Variants in HS2ST1 observed in about 807,000 individuals in gnomAD.
HS2ST1 encodes the protein heparan sulfate 2-O-sulfotransferase 1.
HS2ST1 carries 18 observed loss-of-function variants against 42.9 expected under a neutral mutation model. That is an observed-to-expected ratio of 0.42 (90% CI 0.29 to 0.62). The LOEUF is 0.62. Ranked by LOEUF, HS2ST1 falls within the 20% of genes least tolerant of loss-of-function variation. The probability of loss-of-function intolerance (pLI) is 0.21; values close to 1 mark genes in which losing one functional copy is unlikely to be tolerated. For missense variants in HS2ST1, 334 were observed against 433.8 expected, an observed-to-expected ratio of 0.77 and a Z score of 2.04; for synonymous variants, 146 against 152.9, an observed-to-expected ratio of 0.95 and a Z score of 0.33.
At chr1:86,981,594 G>A (rs1329291344) in intron 1 of HS2ST1, among the ~76,000 whole-genome samples, 4 of 152,176 alleles carry the variant, frequency 2.6e-5, no homozygotes, top group South Asian at 4.1e-4. Flanking sequence ...TCAGAAACCC[G>A]GCCAGGCAGT....
rs1486242673 is a variant in HS2ST1 at position 86,937,914 on chromosome 1, G to A, written c.124+22754G>A. On this transcript the variant is annotated intron_variant, in intron 1 of 6. Transcript: ENST00000370550. ...TAAAATTTGTAAAAATCACACTTGCGCTTACAGATCTTAACTATATAATAA... is the reference window on the plus strand; with the variant it reads ...TAAAATTTGTAAAAATCACACTTGCACTTACAGATCTTAACTATATAATAA... Among the ~76,000 whole-genome samples the A allele has an allele frequency of 4.0e-5, 6 of 151,782 alleles. 1 individual carries two copies. The South Asian group carries it at 6.2e-4, about 16-fold the overall frequency.
intron 1 of HS2ST1, among the ~76,000 whole-genome samples, chr1:86,949,635 G>A (rs1250137790): frequency 6.6e-6 from 1 of 152,314 alleles, no homozygotes; most frequent in South Asian, 2.1e-4. Context: ...GCTGTATGTG[G>A]TTGTTTAAAG....
At chr1:87,025,350 T>G (rs1650057320) in intron 1 of HS2ST1, among the ~76,000 whole-genome samples, 1 of 152,170 alleles carries the variant, frequency 6.6e-6, no homozygotes. Context: ...TACAGCAATA[T>G]CAAGTAAACA....
intron 1 of HS2ST1, among the ~76,000 whole-genome samples, chr1:87,044,051 A>G (rs1650583529): frequency 6.6e-6 from 1 of 152,098 alleles, no homozygotes; most frequent in South Asian, 2.1e-4. Context: ...AGGCCAAGAC[A>G]CTGGGGAGGA....
intron 1 of HS2ST1, among the ~76,000 whole-genome samples, chr1:86,925,811 T>C (rs1660405489): frequency 6.6e-6 from 1 of 152,200 alleles, no homozygotes; most frequent in Admixed American, 6.5e-5. Context: ...AATAACTCTT[T>C]CTGGTGCTGT....
At chr1:87,032,881 T>C (rs1229056067) in intron 1 of HS2ST1, among the ~76,000 whole-genome samples, 7 of 152,210 alleles carry the variant, frequency 4.6e-5, no homozygotes, top group Non-Finnish European at 1.0e-4. Flanking sequence ...ATTTTCTGGG[T>C]AAACAGCTGA....
At chr1:87,103,188 A>G (rs977683360) in intron 5 of HS2ST1, among the ~76,000 whole-genome samples, 1 of 152,226 alleles carries the variant, frequency 6.6e-6, no homozygotes, top group Non-Finnish European at 1.5e-5. Flanking sequence ...CCTTAAACTA[A>G]ATTGCTCATG....
chr1:87,061,409 C>T (rs904598299), intron 1 of HS2ST1, among the ~76,000 whole-genome samples: 1 of 152,022 alleles, frequency 6.6e-6, no homozygotes, highest in East Asian at 1.9e-4. Context: ...TTTCTCCCTC[C>T]CCCCATTCCC....
chr1:86,979,283 C>T (rs1200205681), intron 1 of HS2ST1, among the ~76,000 whole-genome samples: 1 of 152,112 alleles, frequency 6.6e-6, no homozygotes, highest in East Asian at 1.9e-4. Context: ...AGTTGTGCAA[C>T]CATTATCACT....
At chr1:86,951,670 A>G (rs1647523981) in intron 1 of HS2ST1, among the ~76,000 whole-genome samples, 1 of 152,146 alleles carries the variant, frequency 6.6e-6, no homozygotes, top group African/African-American at 2.4e-5. Flanking sequence ...GACTGTGGCA[A>G]TTTCTTCAAA....
intron 1 of HS2ST1, among the ~76,000 whole-genome samples, chr1:87,024,925 T>C (rs1044863106): frequency 2.6e-5 from 4 of 152,378 alleles, no homozygotes; most frequent in South Asian, 4.1e-4. Flanking sequence ...AATGCCTATA[T>C]AACAATCATG....
chr1:87,052,652 G>T (rs1319236246), intron 1 of HS2ST1, among the ~76,000 whole-genome samples: 4 of 152,144 alleles, frequency 2.6e-5, no homozygotes, highest in African/African-American at 9.7e-5. Context: ...TGAGGAAGAT[G>T]GGAAATCCAG....
intron 1 of HS2ST1, among the ~76,000 whole-genome samples, chr1:87,069,652 CATTAT>C (rs1429403811): frequency 6.6e-6 from 1 of 152,044 alleles, no homozygotes; most frequent in African/African-American, 2.4e-5. Context: ...TTAGGCCTAA[CATTAT>C]ATTAATAATT....
intron 1 of HS2ST1, among the ~76,000 whole-genome samples, chr1:86,940,610 G>T (rs1445840864): frequency 6.6e-6 from 1 of 152,190 alleles, no homozygotes; most frequent in African/African-American, 2.4e-5. Flanking sequence ...AAGAGAGGCT[G>T]ATGGCTATAT....
chr1:86,999,897 T>C (rs1649229921), intron 1 of HS2ST1, among the ~76,000 whole-genome samples: 2 of 152,228 alleles, frequency 1.3e-5, no homozygotes, highest in African/African-American at 4.8e-5. Context: ...ATAAAGTTTC[T>C]GACAATAAAA....
intron 4 of HS2ST1, among the ~76,000 whole-genome samples, chr1:87,095,355 A>G (rs930856706): frequency 2.6e-5 from 4 of 152,180 alleles, no homozygotes; most frequent in Non-Finnish European, 5.9e-5. Flanking sequence ...TTTGAGGTGT[A>G]TTAAACAGTA....
chr1:87,040,704 T>G (rs1454786705), intron 1 of HS2ST1, among the ~76,000 whole-genome samples: 1 of 152,096 alleles, frequency 6.6e-6, no homozygotes, highest in East Asian at 1.9e-4. Flanking sequence ...TTTCTGTAAT[T>G]AGGCACATAG....
chr1:87,058,441 T>G (rs1381123045), intron 1 of HS2ST1, among the ~76,000 whole-genome samples: 1 of 151,598 alleles, frequency 6.6e-6, no homozygotes, highest in Non-Finnish European at 1.5e-5. Flanking sequence ...CTAAGTGCAC[T>G]GTTTTGTTTT....
chr1:87,045,795 A>G, intron 1 of HS2ST1: 1 of 842,202 alleles, frequency 1.2e-6, no homozygotes. Context: ...AACAAAATCC[A>G]TTGCATATGG....
Sources: gnomAD v4.1 joint callset for allele counts (sites outside exome capture counted in the v4.1 genomes callset) on GRCh38, gnomAD v4.1.1 for gene constraint, MANE v1.5 for transcripts, NCBI Gene and HGNC (gene_info 2026-07-23, HGNC 2026-07-21) for gene names.